Variants in KLF12 observed in about 807,000 individuals in gnomAD.
The protein encoded by KLF12 is KLF transcription factor 12.
In KLF12, 9 loss-of-function variants were observed where a neutral mutation model predicts 37.8. The ratio of observed to expected loss-of-function variants is 0.24; its 90% CI spans 0.14 to 0.42. The LOEUF is 0.42. Ranked by LOEUF, KLF12 falls within the 10% of genes least tolerant of loss-of-function variation. KLF12 has a pLI of 1.00. For synonymous variants in KLF12, 208 were observed against 202.1 expected (o/e 1.03, Z -0.25); for missense variants, 411 against 516.0 (o/e 0.80, Z 1.97).
intron 3 of KLF12, among the ~76,000 whole-genome samples, chr13:73,911,768 G>T (rs1038979663): frequency 2.6e-5 from 4 of 152,138 alleles, no homozygotes; most frequent in Non-Finnish European, 5.9e-5. Flanking sequence ...CAAACTAAAA[G>T]TTGCATTCTT....
chr13:74,219,184 G>C, the KLF12 span, among the ~76,000 whole-genome samples: 1 of 152,074 alleles, frequency 6.6e-6, no homozygotes, highest in African/African-American at 2.4e-5. Context: ...CTGAACTCCC[G>C]ACCTTAAGTG....
At chr13:74,294,528 C>T in the KLF12 span, among the ~76,000 whole-genome samples, 13 of 152,120 alleles carry the variant, frequency 8.5e-5, no homozygotes, top group East Asian at 2.5e-3. Context: ...GCCACCATGC[C>T]TGGCTAATTT....
intron 3 of KLF12, among the ~76,000 whole-genome samples, chr13:73,936,571 CCCT>C (rs745910521): frequency 6.6e-6 from 1 of 152,086 alleles, no homozygotes; most frequent in Admixed American, 6.5e-5. Flanking sequence ...TTGTGCAATT[CCCT>C]CCTCTACAGT....
At chr13:73,700,728 T>C (rs1343843808) in intron 7 of KLF12, among the ~76,000 whole-genome samples, 1 of 152,044 alleles carries the variant, frequency 6.6e-6, no homozygotes, top group Non-Finnish European at 1.5e-5. Flanking sequence ...GTGCCTAGTA[T>C]TTCATTAAAA....
intron 4 of KLF12, among the ~76,000 whole-genome samples, chr13:73,814,252 C>T (rs1883095315): frequency 6.6e-6 from 1 of 152,138 alleles, no homozygotes; most frequent in Non-Finnish European, 1.5e-5. Context: ...ACCACCACTG[C>T]TTGCGGGGGA....
chr13:73,852,555 C>T (rs938673840), intron 3 of KLF12, among the ~76,000 whole-genome samples: 4 of 152,072 alleles, frequency 2.6e-5, no homozygotes, highest in African/African-American at 7.2e-5. Context: ...GCTGAGGCGG[C>T]GGATCACTTG....
the KLF12 span, among the ~76,000 whole-genome samples, chr13:74,294,774 T>A: frequency 3.9e-5 from 6 of 152,146 alleles, no homozygotes; most frequent in Admixed American, 3.3e-4. Flanking sequence ...ATTTCTCTCT[T>A]CTCCATCCCC....
intron 3 of KLF12, among the ~76,000 whole-genome samples, chr13:73,864,618 C>CA (rs1886086386): frequency 6.6e-6 from 1 of 151,888 alleles, no homozygotes; most frequent in Non-Finnish European, 1.5e-5. Flanking sequence ...ACTATAAATC[C>CA]AAAATATTCA....
intron 3 of KLF12, among the ~76,000 whole-genome samples, chr13:73,856,698 C>CA (rs1397707023): frequency 6.6e-6 from 1 of 151,888 alleles, no homozygotes; most frequent in Non-Finnish European, 1.5e-5. Context: ...TTAAACCAAA[C>CA]AAAAAAAGGG....
intron 1 of KLF12, among the ~76,000 whole-genome samples, chr13:74,002,767 G>A (rs931126258): frequency 3.9e-5 from 6 of 152,212 alleles, no homozygotes; most frequent in African/African-American, 1.4e-4. Flanking sequence ...CTGCTGGCAG[G>A]TAATAAAAGT....
At chr13:73,715,301 G>A (rs968665701) in intron 7 of KLF12, 67 bp downstream of exon 7, 9 of 1,436,102 alleles carry the variant, frequency 6.3e-6, no homozygotes, top group Middle Eastern at 2.5e-4. Flanking sequence ...AAAGGCTCCC[G>A]AGGTAAGTGG....
intron 1 of KLF12, among the ~76,000 whole-genome samples, chr13:74,034,807 T>C (rs10507822): frequency 0.071 from 10,816 of 152,334 alleles, 511 homozygotes; most frequent in Non-Finnish European, 0.1. Flanking sequence ...TAAGATGCTA[T>C]AGAAGAGGAT....
intron 6 of KLF12, among the ~76,000 whole-genome samples, chr13:73,733,308 A>T (rs144211027): frequency 9.2e-5 from 14 of 151,460 alleles, no homozygotes; most frequent in African/African-American, 2.4e-4. Flanking sequence ...TAACTCCCTG[A>T]CCCCTCCCTT....
chr13:73,835,218 C>T (rs1363428136), intron 4 of KLF12, among the ~76,000 whole-genome samples: 2 of 152,058 alleles, frequency 1.3e-5, no homozygotes, highest in African/African-American at 4.8e-5. Context: ...CAACACTAAA[C>T]TAGCTGGGAA....
intron 5 of KLF12, among the ~76,000 whole-genome samples, chr13:73,806,671 AAAG>A (rs1374400639): frequency 1.3e-5 from 2 of 152,014 alleles, no homozygotes; most frequent in Non-Finnish European, 2.9e-5. Context: ...AAAAGAAAGA[AAAG>A]AAAACTTCTG....
At chr13:74,202,743 G>A in the KLF12 span, among the ~76,000 whole-genome samples, 1 of 152,132 alleles carries the variant, frequency 6.6e-6, no homozygotes. Flanking sequence ...TCTGCTAGAT[G>A]CTGCTGTCTC....
chr13:74,216,047 T>A, the KLF12 span, among the ~76,000 whole-genome samples: 2 of 152,142 alleles, frequency 1.3e-5, no homozygotes, highest in Non-Finnish European at 2.9e-5. Flanking sequence ...CTCTCCTTTG[T>A]AGTAAGGGGC....
intron 1 of KLF12, among the ~76,000 whole-genome samples, chr13:74,080,285 GT>G (rs140594851): frequency 3.3e-5 from 5 of 149,358 alleles, no homozygotes; most frequent in East Asian, 3.9e-4. Context: ...AAAAAAAGTT[GT>G]TTTTTTTTTA....
At chr13:74,079,617 T>A (rs771823467) in intron 1 of KLF12, among the ~76,000 whole-genome samples, 49 of 152,162 alleles carry the variant, frequency 3.2e-4, no homozygotes, top group Non-Finnish European at 8.8e-5. Context: ...AAACAAAAAG[T>A]CTTGCTGAGA....
Sources: gnomAD v4.1 joint callset for allele counts (sites outside exome capture counted in the v4.1 genomes callset) on GRCh38, gnomAD v4.1.1 for gene constraint, MANE v1.5 for transcripts, NCBI Gene and HGNC (gene_info 2026-07-23, HGNC 2026-07-21) for gene names.